Variants in LARGE1 observed in about 807,000 individuals in gnomAD.
LARGE1 encodes xylosyl- and glucuronyltransferase LARGE1.
A neutral mutation model predicts 87.6 loss-of-function variants in LARGE1; 43 were observed. That is an observed-to-expected ratio of 0.49 (90% CI 0.38 to 0.63). The LOEUF is 0.63. LARGE1 is among the 30% of genes least tolerant of loss of function. LARGE1 has a pLI of 0.00. For synonymous variants in LARGE1, 434 were observed against 394.6 expected, an observed-to-expected ratio of 1.10 and a Z score of -1.18; for missense variants, 802 against 1,000.2, an observed-to-expected ratio of 0.80 and a Z score of 2.67.
intron 6 of LARGE1, among the ~76,000 whole-genome samples, chr22:33,505,469 C>A (rs1046784788): frequency 6.6e-6 from 1 of 152,178 alleles, no homozygotes; most frequent in Non-Finnish European, 1.5e-5. Flanking sequence ...GGGCTCGTTT[C>A]CCTGGAAGAA....
intron 6 of LARGE1, among the ~76,000 whole-genome samples, chr22:33,478,021 G>T (rs769192582): frequency 6.6e-6 from 1 of 152,058 alleles, no homozygotes; most frequent in Non-Finnish European, 1.5e-5. Context: ...CCTCTTCAGG[G>T]TTAAAGGTGA....
At chr22:33,387,661 G>A (rs777544158) in intron 7 of LARGE1, among the ~76,000 whole-genome samples, 5 of 152,096 alleles carry the variant, frequency 3.3e-5, no homozygotes, top group Non-Finnish European at 5.9e-5. Flanking sequence ...TAAATGGTGT[G>A]AGACTTGGCA....
At chr22:33,514,769 C>A (rs1021760443) in intron 6 of LARGE1, among the ~76,000 whole-genome samples, 2 of 152,100 alleles carry the variant, frequency 1.3e-5, no homozygotes, top group African/African-American at 2.4e-5. Flanking sequence ...GAGACAATCA[C>A]GAGTTTCAGT....
At chr22:33,824,653 C>G (rs1324067007) in intron 1 of LARGE1, among the ~76,000 whole-genome samples, 1 of 152,176 alleles carries the variant, frequency 6.6e-6, no homozygotes, top group East Asian at 1.9e-4. Context: ...GACCCCCACT[C>G]TACACACGAG....
At chr22:33,646,812 C>A (rs1364787501) in intron 3 of LARGE1, among the ~76,000 whole-genome samples, 1 of 152,198 alleles carries the variant, frequency 6.6e-6, no homozygotes, top group East Asian at 1.9e-4. Context: ...ACTGCAACCT[C>A]CGCCTCCCAG....
chr22:33,702,974 A>C lies in LARGE1; in HGVS notation c.107-52306T>G, dbSNP rs189773294. Among the ~76,000 whole-genome samples, 145 of 152,280 alleles carry C rather than the reference A, an allele frequency of 9.5e-4. 1 individual carries two copies. The Middle Eastern group carries it at 0.017, about 18-fold the overall frequency. On this transcript the variant is annotated intron_variant, in intron 2 of 14. Transcript: ENST00000397394. ...AGTTACCCTGGCAAAGAAGGCAGGA[A>C]AAGGTGTTCCAGGAAGTGCAAACAC... is the stretch of plus-strand genomic sequence containing the variant.
At chr22:33,090,410 C>T in the LARGE1 span, among the ~76,000 whole-genome samples, 1 of 152,050 alleles carries the variant, frequency 6.6e-6, no homozygotes, top group African/African-American at 2.4e-5. Context: ...ATAATTTAAA[C>T]AGAATTCTCC....
At chr22:33,844,403 C>A (rs1416949359) in intron 1 of LARGE1, among the ~76,000 whole-genome samples, 3 of 152,168 alleles carry the variant, frequency 2.0e-5, no homozygotes, top group Admixed American at 6.5e-5. Flanking sequence ...GAGCTGGGAG[C>A]ATGCAGTAAG....
chr22:33,138,641 AC>A, the LARGE1 span, among the ~76,000 whole-genome samples: 1 of 151,880 alleles, frequency 6.6e-6, no homozygotes, highest in Non-Finnish European at 1.5e-5. Flanking sequence ...ACAGGGTTTC[AC>A]CATGTTGGCC....
At chr22:33,831,242 G>A (rs1181059358) in intron 1 of LARGE1, among the ~76,000 whole-genome samples, 3 of 151,914 alleles carry the variant, frequency 2.0e-5, no homozygotes, top group Non-Finnish European at 2.9e-5. Flanking sequence ...CACTGCGACC[G>A]GCTCATTAGC....
At chr22:33,348,721 T>C (rs1332160614) in intron 9 of LARGE1, among the ~76,000 whole-genome samples, 1 of 152,060 alleles carries the variant, frequency 6.6e-6, no homozygotes, top group Non-Finnish European at 1.5e-5. Flanking sequence ...TTTTTGTTTT[T>C]TTTTTTGGCT....
At chr22:33,093,967 G>T in the LARGE1 span, among the ~76,000 whole-genome samples, 3 of 151,188 alleles carry the variant, frequency 2.0e-5, no homozygotes, top group African/African-American at 7.3e-5. Flanking sequence ...GGTCAGGCTC[G>T]TCTCAAAGTC....
chr22:33,576,819 C>T (rs2078367581), intron 5 of LARGE1, among the ~76,000 whole-genome samples: 1 of 152,114 alleles, frequency 6.6e-6, no homozygotes, highest in African/African-American at 2.4e-5. Flanking sequence ...CTTATTAATA[C>T]CTAATGCAAT....
chr22:33,492,489 T>C (rs2069897111), intron 6 of LARGE1, among the ~76,000 whole-genome samples: 1 of 152,204 alleles, frequency 6.6e-6, no homozygotes, highest in Non-Finnish European at 1.5e-5. Context: ...GAAAGTGCTA[T>C]CTTGATTTTC....
At chr22:33,554,705 C>T (rs1481413547) in intron 6 of LARGE1, among the ~76,000 whole-genome samples, 1 of 152,152 alleles carries the variant, frequency 6.6e-6, no homozygotes, top group Non-Finnish European at 1.5e-5. Flanking sequence ...TTATATCACC[C>T]CCACACATCA....
intron 11 of LARGE1, among the ~76,000 whole-genome samples, chr22:33,194,653 A>G (rs1442124491): frequency 6.6e-6 from 1 of 152,176 alleles, no homozygotes; most frequent in Non-Finnish European, 1.5e-5. Flanking sequence ...GGGCCTTGGA[A>G]GTAGACAAAG....
chr22:33,137,580 G>C, the LARGE1 span, among the ~76,000 whole-genome samples: 1 of 152,234 alleles, frequency 6.6e-6, no homozygotes, highest in African/African-American at 2.4e-5. Context: ...AGACAATGGG[G>C]AAAATATCTC....
At chr22:33,769,358 G>A (rs1344228873) in intron 1 of LARGE1, among the ~76,000 whole-genome samples, 4 of 152,130 alleles carry the variant, frequency 2.6e-5, no homozygotes, top group African/African-American at 7.2e-5. Context: ...TTCTCGTATT[G>A]TTTCCTTTAC....
chr22:33,712,641 T>C (rs1404557237), intron 2 of LARGE1, among the ~76,000 whole-genome samples: 1 of 50,284 alleles, frequency 2.0e-5, no homozygotes, highest in Non-Finnish European at 3.8e-5. Flanking sequence ...GGGTACAGTG[T>C]GTGTGTGTGT....
Sources: gnomAD v4.1 joint callset for allele counts (sites outside exome capture counted in the v4.1 genomes callset) on GRCh38, gnomAD v4.1.1 for gene constraint, MANE v1.5 for transcripts, NCBI Gene and HGNC (gene_info 2026-07-23, HGNC 2026-07-21) for gene names.